The following RHOT1 variants were observed in gnomAD, a reference collection of about 807,000 sequenced individuals.
RHOT1 encodes ras homolog family member T1.
RHOT1 carries 27 observed loss-of-function variants against 95.3 expected under a neutral mutation model. That is an observed-to-expected ratio of 0.28 (90% CI 0.21 to 0.39). RHOT1 has a LOEUF of 0.39. Among genes scored for constraint, RHOT1 ranks in the 10% least tolerant of loss-of-function variants. The pLI is 1.00. For missense variants in RHOT1, 578 were observed against 786.7 expected, an observed-to-expected ratio of 0.73 and a Z score of 3.17; for synonymous variants, 227 against 263.5, an observed-to-expected ratio of 0.86 and a Z score of 1.34.
At position 32,145,485 on chromosome 17, in the gene RHOT1, C is replaced by T. The variant is rs553832493; in HGVS notation, c.37+2756C>T. On this transcript the variant is annotated intron_variant, in intron 1 of 19. Coordinates refer to ENST00000545287, the MANE Select transcript of RHOT1 (RefSeq NM_001033566.3). ...AACTGGTTTGTCTAACTCTGATTATCATGGCAACCTCTGCCAAACTACTTC... is the reference window on the plus strand; with the variant it reads ...AACTGGTTTGTCTAACTCTGATTATTATGGCAACCTCTGCCAAACTACTTC... Among the ~76,000 whole-genome samples the T allele has an allele frequency of 3.9e-5, 6 of 152,232 alleles. No individual in the cohort carries two copies. In the East Asian group the frequency reaches 1.2e-3, roughly 29 times the overall value.
intron 3 of RHOT1, 94 bp downstream of exon 3, chr17:32,174,006 G>C: frequency 1.1e-6 from 1 of 888,146 alleles, no homozygotes; most frequent in Non-Finnish European, 1.8e-6. Flanking sequence ...TCAGAGAGGT[G>C]GTCTTTTCTC....
intron 6 of RHOT1, 101 bp from the exon 7 acceptor site, chr17:32,182,656 T>C: frequency 1.4e-6 from 1 of 727,284 alleles, no homozygotes; most frequent in Non-Finnish European, 2.3e-6. Context: ...GTTGAGAAGA[T>C]TAAATAAAAG....
chr17:32,224,779 A>G lies in RHOT1; in HGVS notation c.*46A>G, dbSNP rs1454409199. Reference sequence around the variant, plus strand: ...CTACCAAAAACAAATACTTTTATGTACATTCTGAATGCTTTAAGTTCTGCT... The same window carrying G: ...CTACCAAAAACAAATACTTTTATGTGCATTCTGAATGCTTTAAGTTCTGCT... On this transcript the variant is annotated 3_prime_UTR_variant, in exon 20 of 20. Transcript: ENST00000545287. 8.8e-7 allele frequency: 1 copy of G among 1,140,474 alleles called. No individual in the cohort carries two copies. Among genetic ancestry groups the G allele is most frequent in the Non-Finnish European group, 1.3e-6 (1 of 765,134 alleles). 70.6% of individuals were successfully genotyped at this position (1,140,474 alleles called of 1,614,324 possible). A position where few individuals can be genotyped will look rare whatever the true frequency, so the allele number is the denominator to read the frequency against.
intron 8 of RHOT1, among the ~76,000 whole-genome samples, chr17:32,187,533 T>C (rs1260400797): frequency 9.9e-5 from 15 of 152,204 alleles, no homozygotes; most frequent in African/African-American, 3.6e-4. Context: ...CAATGACTCA[T>C]GGCCTACCAC....
intron 1 of RHOT1, among the ~76,000 whole-genome samples, chr17:32,161,164 C>G (rs1322084102): frequency 6.6e-6 from 1 of 152,152 alleles, no homozygotes; most frequent in East Asian, 1.9e-4. Flanking sequence ...TCCCAGAAGG[C>G]TCAGAGGTTT....
chr17:32,198,176 A>T (rs1471397209), intron 11 of RHOT1, among the ~76,000 whole-genome samples: 1 of 152,146 alleles, frequency 6.6e-6, no homozygotes, highest in Non-Finnish European at 1.5e-5. Flanking sequence ...GATTACAGGC[A>T]TGAGTCACCA....
chr17:32,143,286 ACTCT>A (rs139047400), intron 1 of RHOT1, among the ~76,000 whole-genome samples: 1,599 of 152,050 alleles, frequency 0.011, 31 homozygotes, highest in African/African-American at 0.036. Context: ...CGCAGTCTTC[ACTCT>A]CTCTATGTAT....
At chr17:32,151,048 G>A (rs1276822290) in intron 1 of RHOT1, 2 of 1,406,308 alleles carry the variant, frequency 1.4e-6, no homozygotes, top group African/African-American at 2.9e-5. Flanking sequence ...ATTGTGGTCT[G>A]TTCTTGGAGA....
chr17:32,204,683 C>G (rs1260067711), intron 16 of RHOT1, among the ~76,000 whole-genome samples: 2 of 149,474 alleles, frequency 1.3e-5, no homozygotes, highest in Non-Finnish European at 1.5e-5. Context: ...AGCTATACCA[C>G]AATAAGAAAG....
intron 18 of RHOT1, among the ~76,000 whole-genome samples, chr17:32,210,568 G>A (rs755269261): frequency 9.2e-5 from 14 of 152,178 alleles, no homozygotes; most frequent in Non-Finnish European, 1.3e-4. Context: ...GAGAGCCAGG[G>A]TGCTTGATGA....
chr17:32,174,035 T>G, intron 3 of RHOT1, 123 bp downstream of exon 3: 2 of 704,846 alleles, frequency 2.8e-6, no homozygotes, highest in South Asian at 3.7e-5. Flanking sequence ...TAAATGATCC[T>G]TTACGATTCT....
At chr17:32,146,341 A>C (rs2031319148) in intron 1 of RHOT1, among the ~76,000 whole-genome samples, 1 of 152,200 alleles carries the variant, frequency 6.6e-6, no homozygotes, top group Non-Finnish European at 1.5e-5. Flanking sequence ...TAAAAGAATG[A>C]ATGAGTTCAA....
intron 19 of RHOT1, 193 bp downstream of exon 19, chr17:32,211,431 G>T: frequency 2.4e-6 from 1 of 410,114 alleles, no homozygotes; most frequent in Non-Finnish European, 4.3e-6. Flanking sequence ...TAAATTAATA[G>T]GTATATTTAG....
chr17:32,177,062 CATT>C (rs1400092435), intron 6 of RHOT1, among the ~76,000 whole-genome samples: 1 of 152,122 alleles, frequency 6.6e-6, no homozygotes, highest in Non-Finnish European at 1.5e-5. Context: ...ACTGAGATGA[CATT>C]ATATGTGCTG....
rs1319307367 is a variant in RHOT1 at position 32,192,372 on chromosome 17, T to G, written c.639+73T>G. 3.6e-6 allele frequency: 3 copies of G among 839,502 alleles called. No individual in the cohort carries two copies. The Admixed American group carries it at 7.2e-5, about 20-fold the overall frequency. The allele number at this position is 839,502 out of a possible 1,614,324, so 52.0% of individuals were successfully genotyped here. A position where few individuals can be genotyped will look rare whatever the true frequency, so the allele number is the denominator to read the frequency against. ...TTTTTTTGCTGAAAGCTGTAAAATG[T>G]GTTAGCTTAAACAACAAGAACAGTA... On this transcript the variant is annotated intron_variant, in intron 9 of 19. Coordinates refer to ENST00000545287, the MANE Select transcript of RHOT1 (RefSeq NM_001033566.3).
intron 15 of RHOT1, among the ~76,000 whole-genome samples, chr17:32,203,484 C>T (rs1229723256): frequency 6.6e-6 from 1 of 151,914 alleles, no homozygotes; most frequent in East Asian, 1.9e-4. Context: ...CCATGTTGCC[C>T]AGGCTGGTCT....
Position 32,142,607 on chromosome 17 carries a change from C to A in RHOT1, c.-86C>A. On this transcript the variant is annotated 5_prime_UTR_variant, in exon 1 of 20. Transcript: ENST00000545287. Reference sequence around the variant, plus strand: ...GGGCCCCGGCGGCCGAAGAGGCTGGCAGGTGGCGCCGTGGGGTGGGTGCTC... The same window carrying A: ...GGGCCCCGGCGGCCGAAGAGGCTGGAAGGTGGCGCCGTGGGGTGGGTGCTC... 8.2e-7 allele frequency: 1 copy of A among 1,223,498 alleles called. No individual in the cohort carries two copies. The highest frequency in any genetic ancestry group is 1.1e-6 in the Non-Finnish European group (1 of 925,046). 75.8% of individuals were successfully genotyped at this position (1,223,498 alleles called of 1,614,324 possible).
At chr17:32,167,062 A>T (rs9899750) in intron 1 of RHOT1, among the ~76,000 whole-genome samples, 4,886 of 152,282 alleles carry the variant, frequency 0.032, 261 homozygotes, top group African/African-American at 0.11. Flanking sequence ...GAAAGTTATA[A>T]TTACTCCTTG....
At chr17:32,204,332 C>T (rs2037544898) in intron 16 of RHOT1, among the ~76,000 whole-genome samples, 1 of 151,924 alleles carries the variant, frequency 6.6e-6, no homozygotes. Flanking sequence ...GGGCGGATCA[C>T]CTGAGGTCGG....
Sources: allele counts gnomAD v4.1 joint callset (sites outside exome capture counted in the v4.1 genomes callset), GRCh38; gene constraint gnomAD v4.1.1; transcripts MANE v1.5; gene names NCBI Gene and HGNC (gene_info 2026-07-23, HGNC 2026-07-21).